ABCD2: variants seen among roughly 807,000 people sequenced by gnomAD.
The protein encoded by ABCD2 is ATP-binding cassette sub-family D member 2.
A neutral mutation model predicts 70.9 loss-of-function variants in ABCD2; 36 were observed. The observed-to-expected ratio is 0.51, with a 90% CI of 0.39 to 0.67. The LOEUF (loss-of-function observed/expected upper bound fraction) is 0.67. Among genes scored for constraint, ABCD2 ranks in the 30% least tolerant of loss-of-function variants. The pLI, the probability that ABCD2 is intolerant of heterozygous loss-of-function variation, is 0.00. For synonymous variants in ABCD2, 304 were observed against 306.9 expected, an observed-to-expected ratio of 0.99 and a Z score of 0.10; for missense variants, 729 against 890.2, an observed-to-expected ratio of 0.82 and a Z score of 2.30.
intron 9 of ABCD2, among the ~76,000 whole-genome samples, chr12:39,571,060 G>A (rs796967752): frequency 3.9e-5 from 6 of 152,198 alleles, no homozygotes; most frequent in African/African-American, 1.4e-4. Context: ...TGGCTATTAA[G>A]AAAATGACAG....
At chr12:39,531,591 A>G in the ABCD2 span, among the ~76,000 whole-genome samples, 11 of 152,328 alleles carry the variant, frequency 7.2e-5, no homozygotes, top group African/African-American at 2.2e-4. Context: ...CTCTGGCTGG[A>G]CTTCACGGAT....
chr12:39,614,446 A>T lies in ABCD2; in HGVS notation c.1120+2542T>A, dbSNP rs183356198. Reference sequence around the variant, plus strand: ...AGGACAACTATCAAATAGCAGAGCCAACATTTGAACAGCAGCCTTCTTTTT... The same window carrying T: ...AGGACAACTATCAAATAGCAGAGCCTACATTTGAACAGCAGCCTTCTTTTT... On this transcript the variant is annotated intron_variant, in intron 2 of 9. Transcript: ENST00000308666. Among the ~76,000 whole-genome samples the T allele has an allele frequency of 2.4e-3, 364 of 152,284 alleles. 9 individuals are homozygous for T. The highest frequency in any genetic ancestry group is 2.4e-4 in the Non-Finnish European group (16 of 68,008).
chr12:39,566,261 G>C (rs1232483051), intron 9 of ABCD2, among the ~76,000 whole-genome samples: 2 of 152,146 alleles, frequency 1.3e-5, no homozygotes, highest in Non-Finnish European at 2.9e-5. Context: ...TCTGGTCCTG[G>C]AGTTTTTTTG....
chr12:39,535,014 C>T, the ABCD2 span, among the ~76,000 whole-genome samples: 2 of 152,048 alleles, frequency 1.3e-5, no homozygotes, highest in African/African-American at 4.8e-5. Context: ...CTGACACTGG[C>T]CTCTAATTTA....
At chr12:39,599,674 A>T (rs1941869868) in intron 6 of ABCD2, among the ~76,000 whole-genome samples, 1 of 152,216 alleles carries the variant, frequency 6.6e-6, no homozygotes, top group Admixed American at 6.5e-5. Flanking sequence ...CTGGTCTAAA[A>T]ATTAGGCCAG....
chr12:39,561,428 A>C (rs563514475), intron 9 of ABCD2, among the ~76,000 whole-genome samples: 1 of 152,164 alleles, frequency 6.6e-6, no homozygotes, highest in South Asian at 2.1e-4. Flanking sequence ...CTGGATTAAA[A>C]AGCAAGACCC....
At chr12:39,602,170 T>TA (rs1941908492) in intron 5 of ABCD2, among the ~76,000 whole-genome samples, 3 of 149,556 alleles carry the variant, frequency 2.0e-5, no homozygotes, top group Non-Finnish European at 4.4e-5. Context: ...TTTATTTATT[T>TA]TTTATACTGA....
chr12:39,574,233 G>T (rs1425087668), intron 8 of ABCD2, among the ~76,000 whole-genome samples: 1 of 152,030 alleles, frequency 6.6e-6, no homozygotes, highest in East Asian at 1.9e-4. Flanking sequence ...TATCAAACAG[G>T]CCACAGCCCT....
the ABCD2 span, among the ~76,000 whole-genome samples, chr12:39,543,966 C>G: frequency 6.6e-6 from 1 of 152,184 alleles, no homozygotes; most frequent in Non-Finnish European, 1.5e-5. Flanking sequence ...ACCCAAGGAG[C>G]TCACCTTGCC....
intron 9 of ABCD2, among the ~76,000 whole-genome samples, chr12:39,559,660 T>C (rs1199163787): frequency 2.0e-5 from 3 of 152,080 alleles, no homozygotes; most frequent in Non-Finnish European, 2.9e-5. Flanking sequence ...AAGGGAGTTC[T>C]AATATGACTG....
At chr12:39,568,565 G>T (rs1010088563) in intron 9 of ABCD2, among the ~76,000 whole-genome samples, 4 of 151,860 alleles carry the variant, frequency 2.6e-5, no homozygotes, top group Non-Finnish European at 2.9e-5. Context: ...GTTTTCCATG[G>T]GTTCGAACTC....
At chr12:39,586,454 C>T (rs1023610529) in intron 6 of ABCD2, among the ~76,000 whole-genome samples, 157 bp from the exon 7 acceptor site, 4 of 152,198 alleles carry the variant, frequency 2.6e-5, no homozygotes, top group Non-Finnish European at 5.9e-5. Context: ...CCCTCAGGCA[C>T]TGCTAAACAA....
At chr12:39,602,171 T>TTTA (rs1941908580) in intron 5 of ABCD2, among the ~76,000 whole-genome samples, 3 of 134,490 alleles carry the variant, frequency 2.2e-5, no homozygotes, top group Non-Finnish European at 4.9e-5. Context: ...TTATTTATTT[T>TTTA]TTATACTGAG....
Position 39,577,167 on chromosome 12 carries a change from T to C in ABCD2, c.1877+2368A>G, listed in dbSNP as rs548679874. 3.2e-4 allele frequency among the ~76,000 whole-genome samples: 49 copies of C among 152,264 alleles called. No homozygotes were observed. In the South Asian group the frequency reaches 9.7e-3, roughly 30 times the overall value. ...CAAAATTTTAACAGTGTTAATAAGA[T>C]AACAGCTAATGAGATAATCGCTAAT... On this transcript the variant is annotated intron_variant, in intron 8 of 9. Coordinates refer to ENST00000308666, the MANE Select transcript of ABCD2 (RefSeq NM_005164.4).
intron 7 of ABCD2, among the ~76,000 whole-genome samples, chr12:39,585,732 C>G (rs74088750): frequency 2.6e-5 from 4 of 152,162 alleles, no homozygotes; most frequent in African/African-American, 9.6e-5. Context: ...AAAAAAGATA[C>G]TGGTCAGATT....
intron 9 of ABCD2, among the ~76,000 whole-genome samples, chr12:39,563,263 G>A (rs1941287665): frequency 6.6e-6 from 1 of 152,128 alleles, no homozygotes; most frequent in South Asian, 2.1e-4. Context: ...GGTGGCTCAT[G>A]CCTGTAAATC....
At chr12:39,548,176 A>C (rs142610133), downstream of ABCD2, among the ~76,000 whole-genome samples, 9 of 152,196 alleles carry the variant, frequency 5.9e-5, no homozygotes, top group African/African-American at 2.2e-4. Flanking sequence ...TAAACAACTA[A>C]TACTCTACAG....
intron 2 of ABCD2, among the ~76,000 whole-genome samples, chr12:39,612,091 A>T (rs1051057138): frequency 6.6e-6 from 1 of 152,170 alleles, no homozygotes; most frequent in African/African-American, 2.4e-5. Context: ...CCAGACAAAG[A>T]TATGGAGGAA....
At chr12:39,604,067 A>C (rs143047097) in intron 4 of ABCD2, 61 bp from the exon 5 acceptor site, 11 of 1,152,688 alleles carry the variant, frequency 9.5e-6, no homozygotes, top group Non-Finnish European at 1.4e-5. Context: ...TAAATAACGT[A>C]AATTATTATG....
Sources: gnomAD v4.1 joint callset for allele counts (sites outside exome capture counted in the v4.1 genomes callset) on GRCh38, gnomAD v4.1.1 for gene constraint, MANE v1.5 for transcripts, NCBI Gene and HGNC (gene_info 2026-07-23, HGNC 2026-07-21) for gene names.